The following ARHGAP21 variants were observed in gnomAD, a reference collection of about 807,000 sequenced individuals.
ARHGAP21 encodes Rho GTPase activating protein 21.
A neutral mutation model predicts 164.6 loss-of-function variants in ARHGAP21; 38 were observed. The observed-to-expected ratio is 0.23, with a 90% CI of 0.18 to 0.30. The LOEUF is 0.30. ARHGAP21 is among the 10% of genes least tolerant of loss of function. The probability of loss-of-function intolerance (pLI) is 1.00; values close to 1 mark genes in which losing one functional copy is unlikely to be tolerated. For missense variants in ARHGAP21, 1,822 were observed against 2,370.7 expected, an observed-to-expected ratio of 0.77 and a Z score of 4.81; for synonymous variants, 766 against 857.9, an observed-to-expected ratio of 0.89 and a Z score of 1.87.
In ARHGAP21 at chr10:24,585,419, T is replaced by G; in HGVS notation, c.4870A>C (p.Ser1624Arg). 2 of 1,614,138 alleles carry G rather than the reference T, an allele frequency of 1.2e-6. No individual in the cohort carries two copies. Among genetic ancestry groups the G allele is most frequent in the Non-Finnish European group, 8.5e-7 (1 of 1,180,046 alleles). ...GGCCGCCCTTCACTGATGAGTTCGC[T>G]TCTCTCGTCATCTGCCTCGTCCCCC... ...SKGDEADDER[S>R]ELISEGRPVE... Residue 1624 changes from serine to arginine, a missense_variant, in exon 26 of 26, where the codon AGC becomes CGC. Physicochemically the swap from Ser to Arg is moderately radical, Grantham distance 110. This residue lies in a region of ARHGAP21 where 333 missense variants were observed against 383.9 expected (regional missense o/e 0.87). Transcript: ENST00000396432.
chr10:24,710,939 C>T (rs549405524), intron 2 of ARHGAP21, among the ~76,000 whole-genome samples: 15 of 151,784 alleles, frequency 9.9e-5, no homozygotes, highest in Admixed American at 7.2e-4. Flanking sequence ...ATTAAAAATA[C>T]GAAAATTGGC....
At chr10:24,614,279 G>A (rs555231589) in intron 9 of ARHGAP21, among the ~76,000 whole-genome samples, 106 of 152,286 alleles carry the variant, frequency 7.0e-4, no homozygotes, top group Non-Finnish European at 1.2e-3. Context: ...CTTGGGTAGT[G>A]AGAAGGGCCA....
intron 7 of ARHGAP21, among the ~76,000 whole-genome samples, chr10:24,623,291 T>A (rs1286144916): frequency 6.6e-6 from 1 of 152,218 alleles, no homozygotes; most frequent in Non-Finnish European, 1.5e-5. Context: ...TTAAGTAAGT[T>A]TCACTCAAAA....
chr10:24,709,719 A>G (rs1460898531), intron 2 of ARHGAP21, among the ~76,000 whole-genome samples: 1 of 151,136 alleles, frequency 6.6e-6, no homozygotes, highest in Non-Finnish European at 1.5e-5. Context: ...AGGCTGGGTG[A>G]CAGAGCAAAA....
intron 15 of ARHGAP21, 123 bp downstream of exon 15, chr10:24,597,822 G>T (rs531755131): frequency 8.6e-7 from 1 of 1,156,986 alleles, no homozygotes; most frequent in African/African-American, 1.5e-5. Flanking sequence ...GCGTAGAGAG[G>T]ATTTGGTACT....
Position 24,693,525 on chromosome 10 carries a change from G to T in ARHGAP21, c.64-23128C>A, listed in dbSNP as rs554479544. Among the ~76,000 whole-genome samples, 10 of 151,964 alleles carry T rather than the reference G, an allele frequency of 6.6e-5. No homozygotes were observed. In the South Asian group the frequency reaches 2.1e-3, roughly 32 times the overall value. On this transcript the variant is annotated intron_variant, in intron 2 of 25. Coordinates refer to ENST00000396432, the MANE Select transcript of ARHGAP21 (RefSeq NM_020824.4). ...GCCACCACGCCCGGCTAATTTTTTT[G>T]TATTTTTAGTAGAGATGGGGTTTCA...
intron 4 of ARHGAP21, among the ~76,000 whole-genome samples, chr10:24,652,935 A>C (rs1838344350): frequency 6.6e-6 from 1 of 152,232 alleles, no homozygotes; most frequent in South Asian, 2.1e-4. Flanking sequence ...AAATGAGTAC[A>C]AATGTGTACA....
At chr10:24,656,017 G>A (rs1385038148) in intron 4 of ARHGAP21, among the ~76,000 whole-genome samples, 1 of 142,260 alleles carries the variant, frequency 7.0e-6, no homozygotes, top group Non-Finnish European at 1.5e-5. Flanking sequence ...CCTCCGCCCG[G>A]CAGCTGCCCC....
rs1235870238 is a variant in ARHGAP21, at chr10:24,585,830, T to C, written c.4459A>G (p.Lys1487Glu). The C allele has an allele frequency of 9.9e-6, 16 of 1,613,846 alleles. No individual in the cohort carries two copies. The African/African-American group carries it at 1.9e-4, about 19-fold the overall frequency. Residue 1487 changes from lysine (K) to glutamate (E), a missense_variant, in exon 26 of 26, where the codon AAA becomes GAA. Around this residue, in one of 5 missense-constraint regions of ARHGAP21, gnomAD observed 333 missense variants for 383.9 expected, o/e 0.87. Coordinates refer to ENST00000396432, the MANE Select transcript of ARHGAP21 (RefSeq NM_020824.4). ...TTTCCTAGTGATATCTTTTCATCTT[T>C]TGTCGTGCTGGGGTCTTTCCTAGTG... is the stretch of plus-strand genomic sequence containing the variant. ...NSTRKDPSTTKDEKISLGKES... is the reference protein window; with the variant it reads ...NSTRKDPSTTEDEKISLGKES...
At chr10:24,697,448 C>A (rs998191950) in intron 2 of ARHGAP21, among the ~76,000 whole-genome samples, 3 of 152,090 alleles carry the variant, frequency 2.0e-5, no homozygotes. Flanking sequence ...CTTCTCCAGG[C>A]TCCCCTCGTT....
chr10:24,620,739 A>C lies in ARHGAP21; in HGVS notation c.1156T>G (p.Trp386Gly), dbSNP rs1466059753. The change falls in exon 9 of 26, where the codon TGG becomes GGG. Residue 386 changes from tryptophan to glycine, a missense_variant. By Grantham distance (184) the Trp-to-Gly change is radical. Coordinates refer to ENST00000396432, the MANE Select transcript of ARHGAP21 (RefSeq NM_020824.4). ...TCTTTGTAAGTTTTATAGTTTTTCC[A>C]GTCTATGTGCTGATGGGAATTTGGC... Reference protein sequence around the residue: ...YSPNSHQHIDWKNYKTYKEYI... With the variant: ...YSPNSHQHIDGKNYKTYKEYI... 6.2e-7 allele frequency: 1 copy of C among 1,614,174 alleles called. No individual in the cohort carries two copies. The highest frequency in any genetic ancestry group is 1.7e-5 in the Admixed American group (1 of 60,022).
At chr10:24,641,446 C>T (rs1333781344) in intron 4 of ARHGAP21, among the ~76,000 whole-genome samples, 3 of 152,118 alleles carry the variant, frequency 2.0e-5, no homozygotes, top group South Asian at 4.1e-4. Flanking sequence ...ATCTGCAGAT[C>T]CAGCAATTAC....
In ARHGAP21 at chr10:24,607,719, T is replaced by C. The variant is rs781231076; in HGVS notation, c.2581+26A>G. ...GTGGAAAACAGAGCATGAGATACGG[T>C]TTACAAAACCACCCTTTAGACGTAC... is the stretch of plus-strand genomic sequence containing the variant. On this transcript the variant is annotated intron_variant, in intron 10 of 25. Transcript: ENST00000396432. The C allele has an allele frequency of 1.7e-5, 28 of 1,612,256 alleles. No homozygotes were observed. In the African/African-American group the frequency reaches 3.3e-4, roughly 19 times the overall value.
chr10:24,641,013 A>T (rs566914279), intron 4 of ARHGAP21, among the ~76,000 whole-genome samples: 7 of 152,276 alleles, frequency 4.6e-5, no homozygotes, highest in African/African-American at 1.7e-4. Flanking sequence ...GAGGGGGTGG[A>T]GGTGAAGCTG....
At chr10:24,645,754 T>C (rs949360880) in intron 4 of ARHGAP21, among the ~76,000 whole-genome samples, 2 of 152,222 alleles carry the variant, frequency 1.3e-5, no homozygotes, top group Admixed American at 6.5e-5. Flanking sequence ...GGAACTGTTC[T>C]GGGCTTTAAG....
intron 25 of ARHGAP21, among the ~76,000 whole-genome samples, chr10:24,586,321 T>C (rs1420992974): frequency 6.6e-6 from 1 of 152,186 alleles, no homozygotes; most frequent in Non-Finnish European, 1.5e-5. Context: ...CTCGTGGTAT[T>C]TAACTGCCAA....
chr10:24,594,859 C>A (rs2076510514), intron 21 of ARHGAP21, 91 bp downstream of exon 21: 4 of 1,091,866 alleles, frequency 3.7e-6, no homozygotes, highest in South Asian at 3.7e-5. Context: ...AATTACAAAC[C>A]TTTTATTGAC....
At chr10:24,692,844 T>A (rs868407774) in intron 2 of ARHGAP21, among the ~76,000 whole-genome samples, 50 of 128,738 alleles carry the variant, frequency 3.9e-4, no homozygotes, top group Non-Finnish European at 4.0e-4. Context: ...ATAAAAAAAA[T>A]AAAAAAATTA....
intron 4 of ARHGAP21, among the ~76,000 whole-genome samples, chr10:24,657,062 A>G: frequency 2.0e-5 from 1 of 49,500 alleles, no homozygotes; most frequent in Admixed American, 1.6e-4. Flanking sequence ...CCCGTCCGGG[A>G]GGGAGGTGGG....
Sources: gnomAD v4.1 joint callset for allele counts (sites outside exome capture counted in the v4.1 genomes callset) on GRCh38, gnomAD v4.1.1 for gene constraint, gnomAD v4.1.1 regional missense constraint, MANE v1.5 for transcripts, NCBI Gene and HGNC (gene_info 2026-07-23, HGNC 2026-07-21) for gene names.